Variants in SLC24A3 observed in about 807,000 individuals in gnomAD.
SLC24A3 encodes sodium/potassium/calcium exchanger 3.
SLC24A3 carries 28 observed loss-of-function variants against 75.8 expected under a neutral mutation model. That is an observed-to-expected ratio of 0.37 (90% CI 0.27 to 0.51). The LOEUF (loss-of-function observed/expected upper bound fraction) is 0.51. Among genes scored for constraint, SLC24A3 ranks in the 20% least tolerant of loss-of-function variants. The probability of loss-of-function intolerance (pLI) is 0.94; values close to 1 mark genes in which losing one functional copy is unlikely to be tolerated. For missense variants in SLC24A3, 663 were observed against 847.8 expected, an observed-to-expected ratio of 0.78 and a Z score of 2.71; for synonymous variants, 372 against 334.1, an observed-to-expected ratio of 1.11 and a Z score of -1.24.
intron 2 of SLC24A3, among the ~76,000 whole-genome samples, chr20:19,502,587 C>G (rs939946486): frequency 1.3e-5 from 2 of 152,092 alleles, no homozygotes; most frequent in Admixed American, 1.3e-4. Context: ...AGCTGAAAAC[C>G]TAAAACCACC....
chr20:19,670,686 A>G (rs2032455503), intron 8 of SLC24A3, among the ~76,000 whole-genome samples: 1 of 152,220 alleles, frequency 6.6e-6, no homozygotes, highest in Non-Finnish European at 1.5e-5. Flanking sequence ...TTCCAAATGA[A>G]TGGGCTGTGA....
At chr20:19,218,165 C>T (rs1294398690) in intron 1 of SLC24A3, among the ~76,000 whole-genome samples, 5 of 152,104 alleles carry the variant, frequency 3.3e-5, no homozygotes, top group Non-Finnish European at 7.4e-5. Flanking sequence ...AACTACAGTG[C>T]CTGTGATAAA....
At chr20:19,642,384 G>T (rs1395842475) in intron 6 of SLC24A3, among the ~76,000 whole-genome samples, 1 of 152,182 alleles carries the variant, frequency 6.6e-6, no homozygotes, top group South Asian at 2.1e-4. Flanking sequence ...CATCTGTTAT[G>T]GATAAATATT....
chr20:19,492,255 G>A (rs1988220189), intron 2 of SLC24A3, among the ~76,000 whole-genome samples: 1 of 152,208 alleles, frequency 6.6e-6, no homozygotes, highest in Admixed American at 6.5e-5. Flanking sequence ...CAACATTGTA[G>A]TTAAAAGCCT....
intron 2 of SLC24A3, among the ~76,000 whole-genome samples, chr20:19,368,346 C>T (rs748626676): frequency 1.1e-4 from 16 of 152,184 alleles, no homozygotes; most frequent in Non-Finnish European, 2.1e-4. Flanking sequence ...AACCAAGATC[C>T]CAAGACTGCC....
chr20:19,371,789 G>A (rs113690106), intron 2 of SLC24A3, among the ~76,000 whole-genome samples: 30 of 152,154 alleles, frequency 2.0e-4, no homozygotes, highest in Non-Finnish European at 3.5e-4. Context: ...ATTCTGCAGC[G>A]TACAGGTCTA....
intron 2 of SLC24A3, among the ~76,000 whole-genome samples, chr20:19,319,135 G>A (rs563082698): frequency 6.6e-6 from 1 of 152,222 alleles, no homozygotes; most frequent in South Asian, 2.1e-4. Context: ...GTTTGCCAGG[G>A]TGAGGCTCTG....
chr20:19,650,870 A>G (rs1173213013), intron 6 of SLC24A3, among the ~76,000 whole-genome samples: 7 of 151,914 alleles, frequency 4.6e-5, no homozygotes, highest in Non-Finnish European at 7.4e-5. Context: ...GAGCTCTCCA[A>G]TCTTCTTTCT....
intron 2 of SLC24A3, among the ~76,000 whole-genome samples, chr20:19,447,779 C>G (rs897031591): frequency 6.6e-6 from 1 of 152,178 alleles, no homozygotes; most frequent in African/African-American, 2.4e-5. Context: ...TTGAGCCCCA[C>G]TATGCTTTTG....
chr20:19,460,334 G>T (rs1987648193), intron 2 of SLC24A3, among the ~76,000 whole-genome samples: 1 of 152,064 alleles, frequency 6.6e-6, no homozygotes, highest in Non-Finnish European at 1.5e-5. Flanking sequence ...AGATACCTCT[G>T]CCTGTTTGAC....
At chr20:19,631,013 T>C (rs964044809) in intron 6 of SLC24A3, among the ~76,000 whole-genome samples, 4 of 152,180 alleles carry the variant, frequency 2.6e-5, no homozygotes, top group Non-Finnish European at 5.9e-5. Flanking sequence ...ACCATGTCAA[T>C]ATGTGTGTGG....
Position 19,365,300 on chromosome 20 carries a change from C to A in SLC24A3, c.271+84213C>A, listed in dbSNP as rs566520794. Among the ~76,000 whole-genome samples the A allele has an allele frequency of 2.0e-5, 3 of 152,278 alleles. No individual in the cohort carries two copies. In the East Asian group the frequency reaches 5.8e-4, roughly 29 times the overall value. On this transcript the variant is annotated intron_variant, in intron 2 of 16. Transcript: ENST00000328041. ...GAAAAATGCACATTCTCAGGCCCCACCCCATACCCAGTGAATCAGGAACTC... is the reference window on the plus strand; with the variant it reads ...GAAAAATGCACATTCTCAGGCCCCAACCCATACCCAGTGAATCAGGAACTC...
chr20:19,665,281 A>AT (rs2032384503), intron 7 of SLC24A3, among the ~76,000 whole-genome samples: 1 of 151,980 alleles, frequency 6.6e-6, no homozygotes, highest in South Asian at 2.1e-4. Context: ...TAATGCACTT[A>AT]TTTTTCGGGG....
chr20:19,448,557 A>C (rs2122478229), intron 2 of SLC24A3, among the ~76,000 whole-genome samples: 1 of 152,288 alleles, frequency 6.6e-6, no homozygotes, highest in Non-Finnish European at 1.5e-5. Flanking sequence ...TCTCCCCAGA[A>C]GTAGTCTTGA....
chr20:19,268,544 G>A (rs1040648879), intron 1 of SLC24A3, among the ~76,000 whole-genome samples: 1 of 152,080 alleles, frequency 6.6e-6, no homozygotes, highest in Non-Finnish European at 1.5e-5. Flanking sequence ...TGTGGTAATC[G>A]GGCTAAAGTG....
rs550731740 is a variant in SLC24A3, at chr20:19,364,040, G to C, written c.271+82953G>C. On this transcript the variant is annotated intron_variant, in intron 2 of 16. Coordinates refer to ENST00000328041, the MANE Select transcript of SLC24A3 (RefSeq NM_020689.4). ...CAGATACAGTAATGACCTTGCCCCT[G>C]GCCAGCAGGAACATGGGCTCCTGAA... Among the ~76,000 whole-genome samples the C allele has an allele frequency of 2.6e-5, 4 of 152,224 alleles. No individual in the cohort carries two copies. In the South Asian group the frequency reaches 8.3e-4, roughly 32 times the overall value.
At chr20:19,451,377 G>A (rs1987478023) in intron 2 of SLC24A3, among the ~76,000 whole-genome samples, 1 of 152,188 alleles carries the variant, frequency 6.6e-6, no homozygotes, top group Admixed American at 6.5e-5. Context: ...TTCTGTAACA[G>A]TCCTTGGCCC....
At chr20:19,628,598 G>A (rs1490584171) in intron 6 of SLC24A3, among the ~76,000 whole-genome samples, 1 of 152,158 alleles carries the variant, frequency 6.6e-6, no homozygotes, top group Non-Finnish European at 1.5e-5. Flanking sequence ...GCTTCTCAGG[G>A]GACTGGTTGC....
At chr20:19,702,144 A>G (rs1351250649) in intron 15 of SLC24A3, among the ~76,000 whole-genome samples, 2 of 152,142 alleles carry the variant, frequency 1.3e-5, no homozygotes, top group African/African-American at 4.8e-5. Flanking sequence ...AGCACACCAT[A>G]AATCATTCTC....
Sources: allele counts gnomAD v4.1 joint callset (sites outside exome capture counted in the v4.1 genomes callset), GRCh38; gene constraint gnomAD v4.1.1; transcripts MANE v1.5; gene names NCBI Gene and HGNC (gene_info 2026-07-23, HGNC 2026-07-21).